Variants in SEC14L5 observed in about 807,000 individuals in gnomAD.
SEC14L5 encodes SEC14-like protein 5.
Under a neutral mutation model 84.6 loss-of-function variants are expected in SEC14L5, and 96 were observed. That is an observed-to-expected ratio of 1.13 (90% confidence interval 0.96 to 1.34). SEC14L5 has a LOEUF of 1.34. SEC14L5 is among the 40% of genes most tolerant of loss of function. The probability of loss-of-function intolerance (pLI) is 0.00; values close to 1 mark genes in which losing one functional copy is unlikely to be tolerated. For synonymous variants in SEC14L5, 546 were observed against 383.4 expected (o/e 1.42, Z -4.95); for missense variants, 1,224 against 942.5 (o/e 1.30, Z -3.91).
chr16:4,992,836 G>A (rs553929362), intron 6 of SEC14L5, among the ~76,000 whole-genome samples: 10 of 152,274 alleles, frequency 6.6e-5, no homozygotes, highest in African/African-American at 2.4e-4. Flanking sequence ...CACATAAAAT[G>A]TATATATACC....
intron 2 of SEC14L5, among the ~76,000 whole-genome samples, chr16:4,967,156 A>G (rs925556873): frequency 6.6e-6 from 1 of 152,210 alleles, no homozygotes; most frequent in African/African-American, 2.4e-5. Flanking sequence ...TCTGGAGGCC[A>G]GAAGCCTGAA....
intron 2 of SEC14L5, among the ~76,000 whole-genome samples, chr16:4,975,786 G>C (rs1223357273): frequency 6.6e-6 from 1 of 152,168 alleles, no homozygotes; most frequent in Admixed American, 6.6e-5. Context: ...GAAAGGGGTT[G>C]ATAGGGAGAC....
chr16:5,010,790 G>C (rs562417872), intron 14 of SEC14L5: 126 of 371,400 alleles, frequency 3.4e-4, no homozygotes, highest in Non-Finnish European at 2.9e-4. Flanking sequence ...CCACTCAGCA[G>C]AGCAAAAGCC....
intron 2 of SEC14L5, among the ~76,000 whole-genome samples, chr16:4,974,623 T>A (rs1411330100): frequency 6.6e-6 from 1 of 151,936 alleles, no homozygotes; most frequent in African/African-American, 2.4e-5. Flanking sequence ...TTAACATGGA[T>A]AAGGTCTTTA....
At chr16:4,968,112 G>T (rs542674653) in intron 2 of SEC14L5, among the ~76,000 whole-genome samples, 5 of 149,550 alleles carry the variant, frequency 3.3e-5, no homozygotes, top group Non-Finnish European at 7.4e-5. Flanking sequence ...TTGACCTCCT[G>T]GAGGTCAAGT....
intron 6 of SEC14L5, among the ~76,000 whole-genome samples, chr16:4,995,451 C>A (rs1955598719): frequency 6.6e-6 from 1 of 152,290 alleles, no homozygotes; most frequent in South Asian, 2.1e-4. Flanking sequence ...AAGGTCCAGG[C>A]TCTGTTAAAA....
At chr16:4,982,043 G>A (rs951279520) in intron 2 of SEC14L5, among the ~76,000 whole-genome samples, 6 of 152,148 alleles carry the variant, frequency 3.9e-5, no homozygotes, top group Admixed American at 3.9e-4. Flanking sequence ...CTGGGGGAAC[G>A]AGGCCTCCCT....
At chr16:5,008,756 A>G in intron 14 of SEC14L5, 108 bp downstream of exon 14, 3 of 952,374 alleles carry the variant, frequency 3.2e-6, no homozygotes, top group East Asian at 2.5e-5. Context: ...GCTGGTCCCC[A>G]GCCTCAGGGA....
intron 9 of SEC14L5, 39 bp downstream of exon 9, chr16:5,000,782 GCCGGGCCTGGGA>G (rs1037568230): frequency 6.4e-7 from 1 of 1,557,370 alleles, no homozygotes; most frequent in African/African-American, 1.4e-5. Context: ...CGTGCCTGGG[GCCGGGCCTGGGA>G]AGGACTGTGT....
chr16:4,987,040 G>C (rs1955495467), intron 2 of SEC14L5, among the ~76,000 whole-genome samples: 1 of 151,962 alleles, frequency 6.6e-6, no homozygotes, highest in South Asian at 2.1e-4. Flanking sequence ...TACTTATCTA[G>C]AACCTCTAGC....
chr16:4,964,379 G>C (rs1955167433), intron 2 of SEC14L5, among the ~76,000 whole-genome samples: 1 of 152,062 alleles, frequency 6.6e-6, no homozygotes, highest in South Asian at 2.1e-4. Context: ...ATGAGGTTTG[G>C]AGATCAAGAC....
intron 2 of SEC14L5, among the ~76,000 whole-genome samples, chr16:4,972,854 A>T (rs934642116): frequency 5.3e-5 from 8 of 152,228 alleles, no homozygotes; most frequent in African/African-American, 1.9e-4. Context: ...TCCATTAAGA[A>T]AAAATCAACA....
intron 8 of SEC14L5, 101 bp from the exon 9 acceptor site, chr16:5,000,554 A>C (rs1955663366): frequency 1.1e-6 from 1 of 876,610 alleles, no homozygotes; most frequent in Non-Finnish European, 1.8e-6. Flanking sequence ...GGTGGGTTGC[A>C]GCCTGAGGAG....
chr16:5,014,949 C>T lies in SEC14L5; in HGVS notation c.2070C>T (p.Ser690=), dbSNP rs781230032. 1.5e-5 allele frequency: 24 copies of T among 1,611,532 alleles called. No individual in the cohort carries two copies. The highest frequency in any genetic ancestry group is 1.9e-5 in the Non-Finnish European group (22 of 1,179,756). ...TSSSSSGQSH[S]SSLVSR is the part of the protein sequence containing the mutation. ...CCTCCTCCTCCGGCCAGTCTCATAG[C>T]AGCTCCCTGGTCTCCAGATAGCCGG... The change falls in exon 16 of 16, where the codon AGC becomes AGT. Residue 690 remains serine, a synonymous_variant. Coordinates refer to ENST00000251170, the MANE Select transcript of SEC14L5 (RefSeq NM_014692.2).
At chr16:4,965,875 C>G (rs557467028) in intron 2 of SEC14L5, among the ~76,000 whole-genome samples, 4 of 151,766 alleles carry the variant, frequency 2.6e-5, no homozygotes, top group South Asian at 2.1e-4. Context: ...GTCCCCATCT[C>G]TACCAAAAAT....
In SEC14L5 at chr16:4,991,995, C is replaced by T; in HGVS notation, c.632C>T (p.Thr211Ile). ...SSLEAHGPRSTLGPALEAVSM... is the reference protein window; with the variant it reads ...SSLEAHGPRSILGPALEAVSM... Reference sequence around the variant, plus strand: ...CTGGAGGCCCACGGGCCCCGTAGCACCCTGGGGCCCGCTCTGGAGGCGGTC... The same window carrying T: ...CTGGAGGCCCACGGGCCCCGTAGCATCCTGGGGCCCGCTCTGGAGGCGGTC... Residue 211 changes from threonine (T) to isoleucine (I), a missense_variant, in exon 6 of 16, where the codon ACC (threonine) becomes ATC (isoleucine). Physicochemically the swap from Thr to Ile is moderately conservative, Grantham distance 89. Coordinates refer to ENST00000251170, the MANE Select transcript of SEC14L5 (RefSeq NM_014692.2). 1 of 1,581,800 alleles carries T rather than the reference C, an allele frequency of 6.3e-7. No homozygotes were observed. The highest frequency in any genetic ancestry group is 8.5e-7 in the Non-Finnish European group (1 of 1,169,708).
chr16:5,006,374 A>G (rs1471031443), intron 12 of SEC14L5, among the ~76,000 whole-genome samples: 4 of 152,240 alleles, frequency 2.6e-5, no homozygotes, highest in Non-Finnish European at 5.9e-5. Flanking sequence ...ATTGCCAAGC[A>G]GCAGTGAGTT....
At chr16:5,008,674 C>T (rs147919553) in intron 14 of SEC14L5, 26 bp downstream of exon 14, 989 of 1,585,092 alleles carry the variant, frequency 6.2e-4, no homozygotes, top group Non-Finnish European at 7.6e-4. Context: ...ACCACTCATT[C>T]GCTCACCAAG....
In SEC14L5 at chr16:4,990,964, G is replaced by C. The variant is rs1268264258; in HGVS notation, c.474+69G>C. On this transcript the variant is annotated intron_variant, in intron 5 of 15. Coordinates refer to ENST00000251170, the MANE Select transcript of SEC14L5 (RefSeq NM_014692.2). ...CCTGCTCTGCCATCAACAGCTGCAT[G>C]ACCCCTGGCAAGACCCTTACCCTTC... The C allele has an allele frequency of 1.3e-5, 18 of 1,366,084 alleles. 1 individual carries two copies. The East Asian group carries it at 4.8e-4, about 36-fold the overall frequency. The allele number at this position is 1,366,084 out of a possible 1,614,324, so 84.6% of individuals were successfully genotyped here. A position where few individuals can be genotyped will look rare whatever the true frequency, so the allele number is the denominator to read the frequency against.
Sources: allele counts gnomAD v4.1 joint callset (sites outside exome capture counted in the v4.1 genomes callset), GRCh38; gene constraint gnomAD v4.1.1; transcripts MANE v1.5; gene names NCBI Gene and HGNC (gene_info 2026-07-23, HGNC 2026-07-21).